LRP1: variants seen among roughly 807,000 people sequenced by gnomAD.
The protein encoded by LRP1 is LDL receptor related protein 1.
In LRP1, 51 loss-of-function variants were observed where a neutral mutation model predicts 541.5. The observed-to-expected ratio is 0.09, with a 90% CI of 0.08 to 0.12. The LOEUF (loss-of-function observed/expected upper bound fraction) is 0.12, where lower values mean the gene tolerates loss of function less well. Among genes scored for constraint, LRP1 ranks in the 10% least tolerant of loss-of-function variants. LRP1 has a pLI of 1.00. For synonymous variants in LRP1, 2,219 were observed against 2,470.8 expected, an observed-to-expected ratio of 0.90 and a Z score of 3.02; for missense variants, 3,878 against 6,376.2, an observed-to-expected ratio of 0.61 and a Z score of 13.34.
At chr12:57,180,892 A>G (rs2036151745) in intron 33 of LRP1, 85 bp downstream of exon 33, 7 of 1,564,886 alleles carry the variant, frequency 4.5e-6, no homozygotes, top group African/African-American at 2.7e-5. Flanking sequence ...CCATGGGGCA[A>G]GGGAGTAAGT....
rs2035619251 is a variant in LRP1, at chr12:57,156,323, C to T, written c.1417+40C>T. On this transcript the variant is annotated intron_variant, in intron 9 of 88. Coordinates refer to ENST00000243077, the MANE Select transcript of LRP1 (RefSeq NM_002332.3). This position sits in a 1 kb window ranked among gnomAD's most constrained non-coding sequence, Gnocchi z 5.2. Reference sequence around the variant, plus strand: ...ATGGCCCCTCCAAAGCTGGCTTTACCCCATGATGGCTCTGGGACCTTGGGA... The same window carrying T: ...ATGGCCCCTCCAAAGCTGGCTTTACTCCATGATGGCTCTGGGACCTTGGGA... 2 of 1,598,742 alleles carry T rather than the reference C, an allele frequency of 1.3e-6. No individual in the cohort carries two copies. The highest frequency in any genetic ancestry group is 1.7e-6 in the Non-Finnish European group (2 of 1,170,566).
chr12:57,166,785 C>A, intron 17 of LRP1, 145 bp from the exon 18 acceptor site: 1 of 638,038 alleles, frequency 1.6e-6, no homozygotes, highest in Admixed American at 2.7e-5. Context: ...CCAGTGAGAC[C>A]AGAGAGATGG....
chr12:57,159,759 G>A lies in LRP1; in HGVS notation c.1799-66G>A, dbSNP rs778287754. On this transcript the variant is annotated intron_variant, in intron 11 of 88. Transcript: ENST00000243077. ...CTCAAAGGTACCTGAGTCCGGGAGG[G>A]CCAGAGGCAGGCAGCTTTGAACTTC... is the stretch of plus-strand genomic sequence containing the variant. The A allele has an allele frequency of 3.6e-4, 554 of 1,555,612 alleles. 2 individuals are homozygous for A. Among genetic ancestry groups the A allele is most frequent in the Non-Finnish European group, 4.5e-4 (512 of 1,130,004 alleles).
chr12:57,166,274 G>A, intron 17 of LRP1, 65 bp downstream of exon 17: 3 of 1,523,022 alleles, frequency 2.0e-6, no homozygotes, highest in Non-Finnish European at 2.6e-6. Flanking sequence ...AGACGAGGGG[G>A]CCAGGTTCAG....
intron 1 of LRP1, among the ~76,000 whole-genome samples, chr12:57,129,854 A>T (rs1366359402): frequency 6.6e-6 from 1 of 152,088 alleles, no homozygotes; most frequent in East Asian, 1.9e-4. Flanking sequence ...GCTTCATCAC[A>T]GTTTGGATTG....
chr12:57,173,118 C>A lies in LRP1; in HGVS notation c.3164-50C>A. ...TGGCAGGGCACAGGGATGAGGAGGGCTGACCTGGGCAACCCCTCCCTCCTG... is the reference window on the plus strand; with the variant it reads ...TGGCAGGGCACAGGGATGAGGAGGGATGACCTGGGCAACCCCTCCCTCCTG... On this transcript the variant is annotated intron_variant, in intron 20 of 88. Coordinates refer to ENST00000243077, the MANE Select transcript of LRP1 (RefSeq NM_002332.3). This position sits in a 1 kb window ranked among gnomAD's most constrained non-coding sequence, Gnocchi z 4.7. The A allele has an allele frequency of 6.7e-7, 1 of 1,493,504 alleles. No individual in the cohort carries two copies. The highest frequency in any genetic ancestry group is 9.1e-7 in the Non-Finnish European group (1 of 1,099,556). The allele number at this position is 1,493,504 out of a possible 1,614,324, so 92.5% of individuals were successfully genotyped here. A position where few individuals can be genotyped will look rare whatever the true frequency, so the allele number is the denominator to read the frequency against.
rs372129653 is a variant in LRP1, at chr12:57,180,495, C to T, written c.5386+16C>T. 3.1e-6 allele frequency: 5 copies of T among 1,613,456 alleles called. No homozygotes were observed. Among genetic ancestry groups the T allele is most frequent in the South Asian group, 1.1e-5 (1 of 91,054 alleles). Reference sequence around the variant, plus strand: ...GCCATCATGGGTGAGGGCTGCTGGGCGAAGCAGAGATGACGCAGAGCAGGC... The same window carrying T: ...GCCATCATGGGTGAGGGCTGCTGGGTGAAGCAGAGATGACGCAGAGCAGGC... On this transcript the variant is annotated intron_variant, in intron 32 of 88. Coordinates refer to ENST00000243077, the MANE Select transcript of LRP1 (RefSeq NM_002332.3).
chr12:57,139,138 G>A (rs2035234925), intron 2 of LRP1, among the ~76,000 whole-genome samples: 4 of 152,218 alleles, frequency 2.6e-5, no homozygotes, highest in African/African-American at 4.8e-5. Context: ...CAAGGGAAGT[G>A]GAGAACTTGT....
intron 6 of LRP1, chr12:57,149,610 G>T: frequency 5.7e-6 from 4 of 704,444 alleles, no homozygotes; most frequent in Non-Finnish European, 2.6e-6. Context: ...GATCTAGGTC[G>T]AAATGCCTCT....
intron 63 of LRP1, 43 bp downstream of exon 63, chr12:57,200,578 C>T (rs1212639952): frequency 1.3e-5 from 21 of 1,576,920 alleles, no homozygotes; most frequent in South Asian, 3.3e-5. Flanking sequence ...CCAGCTGTGT[C>T]GGAGGCCTGA....
rs536159288 is a variant in LRP1, at chr12:57,204,298, C to T, written c.10952-112C>T. 1.2e-4 allele frequency: 146 copies of T among 1,255,182 alleles called. 2 individuals carry two copies. The highest frequency in any genetic ancestry group is 1.5e-4 in the Non-Finnish European group (136 of 933,960). 77.8% of individuals were successfully genotyped at this position (1,255,182 alleles called of 1,614,324 possible). A position where few individuals can be genotyped will look rare whatever the true frequency, so the allele number is the denominator to read the frequency against. The stretch of plus-strand genomic sequence containing the variant: ...TTTAAGAGACCTGGTTCCAATTTGG[C>T]TGTGCCACTGCTTGCCTGGTGACCC... On this transcript the variant is annotated intron_variant, in intron 70 of 88. Coordinates refer to ENST00000243077, the MANE Select transcript of LRP1 (RefSeq NM_002332.3). This position sits in a 1 kb window ranked among gnomAD's most constrained non-coding sequence, Gnocchi z 5.3.
In LRP1 at chr12:57,180,319, C is replaced by A. The variant is rs1265328011; in HGVS notation, c.5237-11C>A. The A allele has an allele frequency of 3.1e-6, 5 of 1,613,566 alleles. No homozygotes were observed. The highest frequency in any genetic ancestry group is 1.6e-4 in the Middle Eastern group (1 of 6,082). On this transcript the variant is annotated splice_polypyrimidine_tract_variant and intron_variant, in intron 31 of 88. Coordinates refer to ENST00000243077, the MANE Select transcript of LRP1 (RefSeq NM_002332.3). ...GGCCAGACTCCCCGGCAGTGACTCC[C>A]CCTTTTCCAGGCCTGGCTATTGACT...
rs367921053 is a variant in LRP1, at chr12:57,151,058, TCTTC to T, written c.842-3140_842-3137del. 1.0e-3 allele frequency among the ~76,000 whole-genome samples: 157 copies of T among 152,164 alleles called. 3 individuals carry two copies. In the South Asian group the frequency reaches 0.025, roughly 24 times the overall value. ...GACATTTTCTCAGGACATAAAGGCT[TCTTC>T]CTTCCTTCCGATTTCCTTATTTTAG... is the stretch of plus-strand genomic sequence containing the variant. On this transcript the variant is annotated intron_variant, in intron 6 of 88. Coordinates refer to ENST00000243077, the MANE Select transcript of LRP1 (RefSeq NM_002332.3).
intron 6 of LRP1, chr12:57,146,788 G>T (rs2035417253): frequency 6.6e-6 from 1 of 152,518 alleles, no homozygotes; most frequent in Non-Finnish European, 1.5e-5. Flanking sequence ...GGTTGGCTGA[G>T]CTCTTAACGA....
rs370185061 is a variant in LRP1, at chr12:57,202,431, C to G, written c.10605C>G (p.Thr3535=). 27 of 1,613,104 alleles carry G rather than the reference C, an allele frequency of 1.7e-5. No individual in the cohort carries two copies. Among genetic ancestry groups the G allele is most frequent in the Admixed American group, 6.7e-5 (4 of 60,032 alleles). The change falls in exon 68 of 89, where the codon ACC becomes ACG. Residue 3535 remains threonine (T), a synonymous_variant. Transcript: ENST00000243077. Reference sequence around the variant, plus strand: ...ACTTGCCTCCTCCAGATGAACGCACCTGTGAGCCATACCAGTTCCGCTGCA... The same window carrying G: ...ACTTGCCTCCTCCAGATGAACGCACGTGTGAGCCATACCAGTTCCGCTGCA... ...DEPKEECDER[T]CEPYQFRCKN...
At chr12:57,166,041 G>A in intron 16 of LRP1, 43 bp from the exon 17 acceptor site, 1 of 1,613,468 alleles carries the variant, frequency 6.2e-7, no homozygotes, top group Non-Finnish European at 8.5e-7. Context: ...GGAAGCTGGG[G>A]GCACCCAACT....
At chr12:57,148,958 CTTTTA>C in intron 6 of LRP1, 1 of 605,474 alleles carries the variant, frequency 1.7e-6, no homozygotes, top group Non-Finnish European at 3.0e-6. Flanking sequence ...CTCTCCCTTT[CTTTTA>C]TTTATTTATT....
rs548748832 is a variant in LRP1 at position 57,185,502 on chromosome 12, C to T, written c.6464-29C>T. ...CCAGTGAGCCTTTCCCAAGGCAGGCCCTGCCCTCTGTACCCTCCCCTCCCC... is the reference window on the plus strand; with the variant it reads ...CCAGTGAGCCTTTCCCAAGGCAGGCTCTGCCCTCTGTACCCTCCCCTCCCC... On this transcript the variant is annotated intron_variant, in intron 40 of 88. Transcript: ENST00000243077. This position sits in a 1 kb window ranked among gnomAD's most constrained non-coding sequence, Gnocchi z 4.9. The T allele has an allele frequency of 3.2e-6, 5 of 1,551,592 alleles. No individual in the cohort carries two copies. The highest frequency in any genetic ancestry group is 1.2e-5 in the South Asian group (1 of 83,400).
Position 57,204,865 on chromosome 12 carries a change from A to G in LRP1, c.11194+116A>G. 1 of 1,496,628 alleles carries G rather than the reference A, an allele frequency of 6.7e-7. No individual in the cohort carries two copies. Among genetic ancestry groups the G allele is most frequent in the Non-Finnish European group, 9.0e-7 (1 of 1,105,096 alleles). The allele number at this position is 1,496,628 out of a possible 1,614,324, so 92.7% of individuals were successfully genotyped here. On this transcript the variant is annotated intron_variant, in intron 72 of 88. Coordinates refer to ENST00000243077, the MANE Select transcript of LRP1 (RefSeq NM_002332.3). The surrounding 1 kb of genome is among the most constrained non-coding windows in gnomAD (Gnocchi z 5.3). The stretch of plus-strand genomic sequence containing the variant: ...GTTAACCAGGAGGACTCGCCCAGGA[A>G]GGGGAGGATCCATTGCTAGGAGCCT...
Sources: gnomAD v4.1 joint callset for allele counts (sites outside exome capture counted in the v4.1 genomes callset) on GRCh38, gnomAD v4.1.1 for gene constraint, Gnocchi (gnomAD v3.1) non-coding constraint, MANE v1.5 for transcripts, NCBI Gene and HGNC (gene_info 2026-07-23, HGNC 2026-07-21) for gene names.